SCHIP1: variants seen among roughly 807,000 people sequenced by gnomAD.
SCHIP1 encodes the protein schwannomin-interacting protein 1.
In SCHIP1, 8 loss-of-function variants were observed where a neutral mutation model predicts 29.7. The ratio of observed to expected loss-of-function variants is 0.27; its 90% confidence interval spans 0.16 to 0.49. The LOEUF (loss-of-function observed/expected upper bound fraction) is 0.49, where lower values mean the gene tolerates loss of function less well. Among genes scored for constraint, SCHIP1 ranks in the 20% least tolerant of loss-of-function variants. SCHIP1 has a pLI of 0.99. For synonymous variants in SCHIP1, 76 were observed against 94.9 expected (o/e 0.80, Z 1.16); for missense variants, 193 against 294.6 (o/e 0.66, Z 2.52).
the SCHIP1 span, among the ~76,000 whole-genome samples, chr3:159,815,184 G>T: frequency 6.6e-6 from 1 of 152,148 alleles, no homozygotes; most frequent in Non-Finnish European, 1.5e-5. Flanking sequence ...CTTGATTACC[G>T]TGGTCTGCAC....
chr3:159,293,799 A>T, the SCHIP1 span, among the ~76,000 whole-genome samples: 1 of 152,144 alleles, frequency 6.6e-6, no homozygotes, highest in African/African-American at 2.4e-5. Flanking sequence ...GGCAAAAAAT[A>T]ATTCTCTCTC....
chr3:159,847,511 C>T (rs965306468), intron 1 of SCHIP1, among the ~76,000 whole-genome samples: 1 of 152,122 alleles, frequency 6.6e-6, no homozygotes, highest in African/African-American at 2.4e-5. Context: ...ATCAGAGAGG[C>T]CTAAGTGACA....
the SCHIP1 span, among the ~76,000 whole-genome samples, chr3:159,394,501 T>C: frequency 9.9e-5 from 15 of 152,208 alleles, no homozygotes; most frequent in African/African-American, 3.6e-4. Flanking sequence ...CAATACCTAA[T>C]TTATTGAGAG....
chr3:159,732,526 C>A, the SCHIP1 span, among the ~76,000 whole-genome samples: 1 of 152,138 alleles, frequency 6.6e-6, no homozygotes, highest in Admixed American at 6.6e-5. Context: ...AGAGATGGTG[C>A]TGTTTGGAGA....
the SCHIP1 span, among the ~76,000 whole-genome samples, chr3:159,597,860 C>T: frequency 2.9e-4 from 44 of 152,268 alleles, no homozygotes; most frequent in African/African-American, 1.0e-3. Flanking sequence ...CTACCCATGA[C>T]TGGGTAATTT....
chr3:159,384,270 T>G, the SCHIP1 span, among the ~76,000 whole-genome samples: 1 of 151,642 alleles, frequency 6.6e-6, no homozygotes, highest in African/African-American at 2.4e-5. Context: ...CTTATTATTT[T>G]GAGATACGTC....
the SCHIP1 span, among the ~76,000 whole-genome samples, chr3:159,713,230 A>G: frequency 3.7e-5 from 4 of 109,126 alleles, no homozygotes; most frequent in East Asian, 2.6e-4. Context: ...GAGAGAAAGA[A>G]AGGAAGAAAG....
chr3:159,491,454 T>A, the SCHIP1 span, among the ~76,000 whole-genome samples: 7 of 152,350 alleles, frequency 4.6e-5, no homozygotes, highest in African/African-American at 1.4e-4. Flanking sequence ...ACCAGGAGAT[T>A]ATATCCAGCA....
At chr3:159,496,063 G>GA in the SCHIP1 span, among the ~76,000 whole-genome samples, 1 of 152,212 alleles carries the variant, frequency 6.6e-6, no homozygotes, top group Admixed American at 6.5e-5. Flanking sequence ...GTAGAAAGCT[G>GA]AAACTGGATC....
At chr3:159,682,359 G>C in the SCHIP1 span, among the ~76,000 whole-genome samples, 1 of 152,116 alleles carries the variant, frequency 6.6e-6, no homozygotes, top group Admixed American at 6.6e-5. Flanking sequence ...AAAATGACTC[G>C]AGAAAAGGGC....
At chr3:159,814,249 T>A in the SCHIP1 span, among the ~76,000 whole-genome samples, 1 of 152,234 alleles carries the variant, frequency 6.6e-6, no homozygotes, top group Non-Finnish European at 1.5e-5. Context: ...CCAGCCCCGT[T>A]GCAGAGCATC....
chr3:159,603,544 A>G, the SCHIP1 span, among the ~76,000 whole-genome samples: 2 of 152,154 alleles, frequency 1.3e-5, no homozygotes, highest in Non-Finnish European at 2.9e-5. Context: ...ACAAAATGAC[A>G]CATAACTTTG....
chr3:159,378,682 A>G, the SCHIP1 span, among the ~76,000 whole-genome samples: 4 of 152,224 alleles, frequency 2.6e-5, no homozygotes, highest in Non-Finnish European at 5.9e-5. Context: ...TCTCTCAGGC[A>G]GAAAAGCAAG....
the SCHIP1 span, among the ~76,000 whole-genome samples, chr3:159,704,872 CTTTCTT>C: frequency 2.2e-5 from 1 of 46,094 alleles, no homozygotes; most frequent in Non-Finnish European, 5.8e-5. Context: ...TTTTTTCTTT[CTTTCTT>C]TCTTTCTTTC....
At chr3:159,488,862 T>G in the SCHIP1 span, among the ~76,000 whole-genome samples, 1 of 152,228 alleles carries the variant, frequency 6.6e-6, no homozygotes, top group Non-Finnish European at 1.5e-5. Flanking sequence ...GCAGATCTTA[T>G]TAAAGTAATT....
chr3:159,809,588 G>C, the SCHIP1 span, among the ~76,000 whole-genome samples: 29 of 149,104 alleles, frequency 1.9e-4, no homozygotes, highest in South Asian at 6.1e-3. Flanking sequence ...ACTAATTTAT[G>C]TTCCCACCAT....
the SCHIP1 span, among the ~76,000 whole-genome samples, chr3:159,491,487 C>A: frequency 3.7e-3 from 567 of 152,300 alleles, 8 homozygotes; most frequent in African/African-American, 0.013. Context: ...GGTCCTAGGC[C>A]CACGGAGCTT....
the SCHIP1 span, among the ~76,000 whole-genome samples, chr3:159,480,186 C>A: frequency 1.3e-5 from 2 of 152,256 alleles, no homozygotes; most frequent in Non-Finnish European, 2.9e-5. Flanking sequence ...TGGTCAGAAT[C>A]CATTTTTCTT....
the SCHIP1 span, among the ~76,000 whole-genome samples, chr3:159,517,823 T>G: frequency 2.0e-5 from 3 of 152,066 alleles, no homozygotes; most frequent in Non-Finnish European, 4.4e-5. Context: ...GAAACTAATA[T>G]TTTTAAAAGA....
Sources: gnomAD v4.1 joint callset for allele counts (sites outside exome capture counted in the v4.1 genomes callset) on GRCh38, gnomAD v4.1.1 for gene constraint, MANE v1.5 for transcripts, NCBI Gene and HGNC (gene_info 2026-07-23, HGNC 2026-07-21) for gene names.